KNTC1: variants seen among roughly 807,000 people sequenced by gnomAD.
The protein encoded by KNTC1 is kinetochore-associated protein 1.
A neutral mutation model predicts 314.4 loss-of-function variants in KNTC1; 253 were observed. That is an observed-to-expected ratio of 0.80 (90% CI 0.73 to 0.89). The LOEUF (loss-of-function observed/expected upper bound fraction) is 0.89. Ranked by LOEUF, KNTC1 falls within the 40% of genes least tolerant of loss-of-function variation. The probability of loss-of-function intolerance (pLI) is 0.00; values close to 1 mark genes in which losing one functional copy is unlikely to be tolerated. For synonymous variants in KNTC1, 901 were observed against 901.4 expected (o/e 1.00, Z 0.01); for missense variants, 2,475 against 2,572.9 (o/e 0.96, Z 0.82).
chr12:122,531,418 G>A (rs1961312857), intron 2 of KNTC1, among the ~76,000 whole-genome samples: 1 of 151,996 alleles, frequency 6.6e-6, no homozygotes, highest in Non-Finnish European at 1.5e-5. Flanking sequence ...GGCTGGTCTT[G>A]AACTCCTGGC....
chr12:122,536,384 C>T (rs184040560), intron 3 of KNTC1, among the ~76,000 whole-genome samples: 7 of 151,374 alleles, frequency 4.6e-5, no homozygotes, highest in Non-Finnish European at 5.9e-5. Flanking sequence ...CCCATCACCA[C>T]GCCCTGCTAA....
chr12:122,536,997 A>G lies in KNTC1; in HGVS notation c.251-1342A>G, dbSNP rs561136006. Among the ~76,000 whole-genome samples, 33 of 152,318 alleles carry G rather than the reference A, an allele frequency of 2.2e-4. 1 individual carries two copies. In the South Asian group the frequency reaches 6.8e-3, roughly 32 times the overall value. On this transcript the variant is annotated intron_variant, in intron 3 of 63. Coordinates refer to ENST00000333479, the MANE Select transcript of KNTC1 (RefSeq NM_014708.6). ...ACCCTGATTGGTCCACAAGATTCAC[A>G]GTTTCTTCTATTAAGTGGTGGGATG...
chr12:122,611,929 T>C (rs75314411), intron 53 of KNTC1, among the ~76,000 whole-genome samples: 3,554 of 152,102 alleles, frequency 0.023, 130 homozygotes, highest in African/African-American at 0.078. Context: ...TTTTTTTTTT[T>C]CTTGAGTATT....
chr12:122,612,980 G>A (rs1186076405), intron 53 of KNTC1, 132 bp from the exon 54 acceptor site: 5 of 641,000 alleles, frequency 7.8e-6, no homozygotes, highest in Non-Finnish European at 1.4e-5. Context: ...TACACACAGT[G>A]CGTTCCGTAA....
At chr12:122,549,239 T>C (rs1461021795) in intron 12 of KNTC1, among the ~76,000 whole-genome samples, 2 of 152,128 alleles carry the variant, frequency 1.3e-5, no homozygotes, top group African/African-American at 2.4e-5. Flanking sequence ...GTATTTTTAG[T>C]AGAGACGGGG....
chr12:122,581,734 A>G (rs1433357638), intron 33 of KNTC1, among the ~76,000 whole-genome samples: 1 of 151,978 alleles, frequency 6.6e-6, no homozygotes, highest in Non-Finnish European at 1.5e-5. Flanking sequence ...GCCTCAAGCG[A>G]TCTGCCCGCC....
chr12:122,579,354 G>A (rs1403903046), intron 31 of KNTC1, among the ~76,000 whole-genome samples: 1 of 151,758 alleles, frequency 6.6e-6, no homozygotes, highest in Non-Finnish European at 1.5e-5. Flanking sequence ...GTGAGCCACC[G>A]CGCCCGGCCC....
chr12:122,539,580 C>A, intron 4 of KNTC1, 96 bp from the exon 5 acceptor site: 1 of 833,510 alleles, frequency 1.2e-6, no homozygotes, highest in Non-Finnish European at 1.9e-6. Flanking sequence ...AGAATTATTG[C>A]TAATGATAAT....
At chr12:122,561,136 A>T (rs1593543467) in intron 18 of KNTC1, among the ~76,000 whole-genome samples, 1 of 151,824 alleles carries the variant, frequency 6.6e-6, no homozygotes, top group East Asian at 1.9e-4. Context: ...GTAAGATGAA[A>T]CCCCATCTCT....
At chr12:122,584,817 A>G in intron 35 of KNTC1, 76 bp from the exon 36 acceptor site, 1 of 760,138 alleles carries the variant, frequency 1.3e-6, no homozygotes, top group East Asian at 2.7e-5. Flanking sequence ...TTTAAATGGT[A>G]ATTATTAAAA....
intron 3 of KNTC1, 23 bp downstream of exon 3, chr12:122,534,807 A>G (rs773937052): frequency 2.5e-6 from 4 of 1,602,862 alleles, no homozygotes; most frequent in African/African-American, 1.3e-5. Context: ...TAGTGAATGA[A>G]GTAAGATAAA....
intron 49 of KNTC1, 93 bp from the exon 50 acceptor site, chr12:122,604,784 G>C (rs1872393521): frequency 4.6e-6 from 6 of 1,311,388 alleles, no homozygotes; most frequent in East Asian, 2.5e-5. Flanking sequence ...AACTGAGGAA[G>C]GGGGGAGGGA....
chr12:122,583,685 G>A (rs1868778368), intron 34 of KNTC1, among the ~76,000 whole-genome samples: 1 of 152,082 alleles, frequency 6.6e-6, no homozygotes, highest in Non-Finnish European at 1.5e-5. Flanking sequence ...TGTTAGTCGG[G>A]TGTGGTGGTG....
At position 122,576,910 on chromosome 12, in the gene KNTC1, A is replaced by G. The variant is rs1965067123; in HGVS notation, c.2602A>G (p.Ile868Val). Reference protein sequence around the residue: ...NKEIMRVVRYILKQDVPSSLE... With the variant: ...NKEIMRVVRYVLKQDVPSSLE... Reference sequence around the variant, plus strand: ...TCTTTTGCAGAGAGTGGTTAGATACATTCTCAAACAAGATGTCCCATCTTC... The same window carrying G: ...TCTTTTGCAGAGAGTGGTTAGATACGTTCTCAAACAAGATGTCCCATCTTC... The change falls in exon 30 of 64, where the codon ATT becomes GTT. Residue 868 changes from isoleucine (I) to valine (V), a missense_variant. Transcript: ENST00000333479. The G allele has an allele frequency of 1.3e-6, 2 of 1,587,034 alleles. No individual in the cohort carries two copies. Among genetic ancestry groups the G allele is most frequent in the African/African-American group, 1.4e-5 (1 of 73,208 alleles).
chr12:122,596,932 C>G (rs761275962), intron 43 of KNTC1, among the ~76,000 whole-genome samples: 6 of 151,930 alleles, frequency 3.9e-5, no homozygotes, highest in Non-Finnish European at 7.4e-5. Flanking sequence ...GATCTTTATT[C>G]TTTTCTTTTA....
At chr12:122,536,267 G>A (rs1027086942) in intron 3 of KNTC1, among the ~76,000 whole-genome samples, 9 of 149,038 alleles carry the variant, frequency 6.0e-5, no homozygotes, top group African/African-American at 2.2e-4. Flanking sequence ...TCGCACTGTC[G>A]CCTAGGCCGG....
At chr12:122,603,302 T>A (rs1319815618) in intron 48 of KNTC1, 59 bp downstream of exon 48, 2 of 1,147,376 alleles carry the variant, frequency 1.7e-6, no homozygotes, top group Non-Finnish European at 2.4e-6. Flanking sequence ...TCTTTTTGCA[T>A]CTTTAAGGAG....
At chr12:122,621,510 T>C (rs535411537) in intron 60 of KNTC1, among the ~76,000 whole-genome samples, 196 of 152,310 alleles carry the variant, frequency 1.3e-3, no homozygotes, top group African/African-American at 4.6e-3. Flanking sequence ...AACTTTTGTA[T>C]TTTTAGTAGA....
chr12:122,609,020 C>G (rs906756735), intron 51 of KNTC1, among the ~76,000 whole-genome samples: 1 of 152,112 alleles, frequency 6.6e-6, no homozygotes, highest in Non-Finnish European at 1.5e-5. Context: ...GGTTGTGCCA[C>G]TGTACTCCAG....
Sources: allele counts gnomAD v4.1 joint callset (sites outside exome capture counted in the v4.1 genomes callset), GRCh38; gene constraint gnomAD v4.1.1; transcripts MANE v1.5; gene names NCBI Gene and HGNC (gene_info 2026-07-23, HGNC 2026-07-21).